XYLB: variants seen among roughly 807,000 people sequenced by gnomAD.
XYLB encodes xylulokinase.
In XYLB, 62 loss-of-function variants were observed where a neutral mutation model predicts 78.7. That is an observed-to-expected ratio of 0.79 (90% CI 0.64 to 0.97). The LOEUF (loss-of-function observed/expected upper bound fraction) is 0.97. XYLB is among the 50% of genes least tolerant of loss of function. The pLI is 0.00. For missense variants in XYLB, 687 were observed against 676.8 expected (o/e 1.02, Z -0.17); for synonymous variants, 245 against 247.4 (o/e 0.99, Z 0.09).
At chr3:38,440,920 C>T in the XYLB span, among the ~76,000 whole-genome samples, 4 of 151,934 alleles carry the variant, frequency 2.6e-5, no homozygotes, top group East Asian at 5.8e-4. Flanking sequence ...TCCCCTCCCT[C>T]TTTCCTTCTC....
In XYLB at chr3:38,410,622, T is replaced by C. The variant is rs1378037244; in HGVS notation, c.1534-2314T>C. On this transcript the variant is annotated intron_variant, in intron 18 of 18. Coordinates refer to ENST00000207870, the MANE Select transcript of XYLB (RefSeq NM_005108.4). ...AACCTACAAAATGGGAGAAAATTTT[T>C]GCAATCTACTCATCTGACAAAGGGC... Among the ~76,000 whole-genome samples, 39 of 152,144 alleles carry C rather than the reference T, an allele frequency of 2.6e-4. 2 individuals carry two copies. The highest frequency in any genetic ancestry group is 2.1e-4 in the South Asian group (1 of 4,834).
rs1705086046 is a variant in XYLB at position 38,346,859 on chromosome 3, C to A, written c.-10C>A. 1.3e-6 allele frequency: 2 copies of A among 1,516,120 alleles called. No homozygotes were observed. Among genetic ancestry groups the A allele is most frequent in the East Asian group, 5.6e-5 (2 of 35,946 alleles). The allele number at this position is 1,516,120 out of a possible 1,614,324, so 93.9% of individuals were successfully genotyped here. On this transcript the variant is annotated 5_prime_UTR_variant, in exon 1 of 19. Transcript: ENST00000207870. ...CGGACTGACGGACGCGCAGCCTTAC[C>A]CGAAAGGCCATGGCGGAGCACGCCC...
chr3:38,436,266 A>G, the XYLB span, among the ~76,000 whole-genome samples: 1 of 152,302 alleles, frequency 6.6e-6, no homozygotes, highest in South Asian at 2.1e-4. Context: ...CGAAAATATA[A>G]GAGATCATCA....
Position 38,392,978 on chromosome 3 carries a change from G to A in XYLB, c.1292-2527G>A, listed in dbSNP as rs77695546. Reference sequence around the variant, plus strand: ...CATTTAGGACTTTGATCCATCTGAAGTCTTTGCGAATGATGTAACTTGGGA... The same window carrying A: ...CATTTAGGACTTTGATCCATCTGAAATCTTTGCGAATGATGTAACTTGGGA... On this transcript the variant is annotated intron_variant, in intron 15 of 18. Coordinates refer to ENST00000207870, the MANE Select transcript of XYLB (RefSeq NM_005108.4). 8.4e-3 allele frequency among the ~76,000 whole-genome samples: 1,286 copies of A among 152,242 alleles called. 18 individuals are homozygous for A. The highest frequency in any genetic ancestry group is 0.029 in the African/African-American group (1,211 of 41,534).
At chr3:38,355,773 A>T in intron 2 of XYLB, 1 of 703,692 alleles carries the variant, frequency 1.4e-6, no homozygotes, top group Non-Finnish European at 2.6e-6. Flanking sequence ...GGAACATGAC[A>T]GAGCCACCAT....
intron 17 of XYLB, among the ~76,000 whole-genome samples, chr3:38,398,868 A>G (rs1708001993): frequency 7.3e-6 from 1 of 136,890 alleles, no homozygotes; most frequent in Non-Finnish European, 1.5e-5. Flanking sequence ...ACTAAAATAC[A>G]AAAAAAAAAA....
rs1707031986 is a variant in XYLB at position 38,379,371 on chromosome 3, CG to C, written c.1291+33del. ...AGTGAGCCACTGGCAGCATGTGTCC[CG>C]GGGTGGGGGCTCAGGGCCAGCTCAC... On this transcript the variant is annotated intron_variant, in intron 15 of 18. Transcript: ENST00000207870. 2.5e-6 allele frequency: 4 copies of C among 1,610,856 alleles called. 1 individual carries two copies. Among genetic ancestry groups the C allele is most frequent in the Non-Finnish European group, 1.7e-6 (2 of 1,177,448 alleles).
chr3:38,357,474 C>T (rs1705718865), intron 2 of XYLB, among the ~76,000 whole-genome samples: 1 of 151,720 alleles, frequency 6.6e-6, no homozygotes, highest in Admixed American at 6.6e-5. Context: ...GCAAGCTCCA[C>T]CTCCTGGGTT....
chr3:38,403,934 G>A (rs1449058881), intron 18 of XYLB, among the ~76,000 whole-genome samples: 2 of 152,088 alleles, frequency 1.3e-5, no homozygotes. Flanking sequence ...AGCAGTGACA[G>A]TCTATATGAT....
chr3:38,378,733 G>T (rs1706993103), intron 14 of XYLB, among the ~76,000 whole-genome samples: 1 of 151,264 alleles, frequency 6.6e-6, no homozygotes, highest in African/African-American at 2.4e-5. Context: ...AGAAGCAGGA[G>T]TGAGCCTGGG....
chr3:38,427,781 C>T, the XYLB span, among the ~76,000 whole-genome samples: 1 of 152,036 alleles, frequency 6.6e-6, no homozygotes, highest in African/African-American at 2.4e-5. Flanking sequence ...TTAGTAGAGA[C>T]AGGTTTCATC....
intron 5 of XYLB, 70 bp from the exon 6 acceptor site, chr3:38,365,538 C>T (rs978224600): frequency 3.4e-5 from 53 of 1,548,714 alleles, no homozygotes; most frequent in Admixed American, 1.3e-4. Context: ...GCAGTGTGAC[C>T]GCCAGCCCTG....
intron 15 of XYLB, among the ~76,000 whole-genome samples, chr3:38,394,254 G>T (rs552113856): frequency 5.9e-5 from 9 of 152,066 alleles, no homozygotes; most frequent in African/African-American, 2.2e-4. Flanking sequence ...CTTTGTTAAG[G>T]TATTCCCTTA....
intron 18 of XYLB, among the ~76,000 whole-genome samples, chr3:38,405,633 A>G (rs1025265223): frequency 6.6e-6 from 1 of 152,224 alleles, no homozygotes; most frequent in African/African-American, 2.4e-5. Flanking sequence ...TTCCTAGTCA[A>G]AGAAAGGGGT....
chr3:38,437,011 T>TAATAA, the XYLB span, among the ~76,000 whole-genome samples: 1 of 119,518 alleles, frequency 8.4e-6, no homozygotes, highest in Non-Finnish European at 1.8e-5. Context: ...CTAAAAATAA[T>TAATAA]AATAATAATA....
Position 38,360,377 on chromosome 3 carries a change from C to T in XYLB, c.179C>T (p.Thr60Met), listed in dbSNP as rs146260536. The change falls in exon 3 of 19, where the codon ACG becomes ATG. Residue 60 changes from threonine to methionine, a missense_variant. By Grantham distance (81) the Thr-to-Met change is moderately conservative. Coordinates refer to ENST00000207870, the MANE Select transcript of XYLB (RefSeq NM_005108.4). ...GGVHVHKDGL[T>M]VTSPVLMWVQ... ...GTTCATGTGCACAAGGATGGGCTGA[C>T]GGTCACTTCTCCAGTACTAATGTGG... The T allele has an allele frequency of 5.7e-5, 92 of 1,612,770 alleles. 1 individual carries two copies. The highest frequency in any genetic ancestry group is 6.6e-5 in the South Asian group (6 of 90,842).
At chr3:38,351,866 C>T (rs562291766) in intron 2 of XYLB, among the ~76,000 whole-genome samples, 5 of 152,136 alleles carry the variant, frequency 3.3e-5, no homozygotes, top group Admixed American at 2.0e-4. Flanking sequence ...CTATTATTGC[C>T]GAGTAGTATT....
At chr3:38,359,506 G>A (rs938895616) in intron 2 of XYLB, among the ~76,000 whole-genome samples, 5 of 152,194 alleles carry the variant, frequency 3.3e-5, no homozygotes, top group Non-Finnish European at 4.4e-5. Context: ...CCTTTTCTCA[G>A]TATAGATGAA....
intron 9 of XYLB, 93 bp from the exon 10 acceptor site, chr3:38,372,561 CT>C: frequency 8.1e-6 from 13 of 1,599,850 alleles, no homozygotes; most frequent in Non-Finnish European, 1.0e-5. Flanking sequence ...GACCTGGAGA[CT>C]GTAGCGTTTT....
Sources: allele counts gnomAD v4.1 joint callset (sites outside exome capture counted in the v4.1 genomes callset), GRCh38; gene constraint gnomAD v4.1.1; transcripts MANE v1.5; gene names NCBI Gene and HGNC (gene_info 2026-07-23, HGNC 2026-07-21).